The following SPMIP11 variants were observed in gnomAD, a reference collection of about 807,000 sequenced individuals.
The protein encoded by SPMIP11 is sperm microtubule inner protein 11, also known as long intergenic non-protein coding RNA 935.
chr12:48,731,974 C>A, the SPMIP11 span, among the ~76,000 whole-genome samples: 1 of 151,834 alleles, frequency 6.6e-6, no homozygotes, highest in Non-Finnish European at 1.5e-5. Flanking sequence ...TATGGCAAAA[C>A]CGCGTCTCTA....
chr12:48,746,397 C>G, the SPMIP11 span, among the ~76,000 whole-genome samples: 1 of 131,688 alleles, frequency 7.6e-6, no homozygotes, highest in East Asian at 2.2e-4. Flanking sequence ...GATGGTGTCT[C>G]GCTCTGTTGC....
At chr12:48,756,022 C>A in the SPMIP11 span, among the ~76,000 whole-genome samples, 1 of 151,602 alleles carries the variant, frequency 6.6e-6, no homozygotes, top group Non-Finnish European at 1.5e-5. Context: ...GGACTACAGG[C>A]CCCTGCCACC....
the SPMIP11 span, among the ~76,000 whole-genome samples, chr12:48,744,248 C>CAAAAAAAA: frequency 1.0e-5 from 1 of 98,288 alleles, no homozygotes; most frequent in Non-Finnish European, 2.0e-5. Context: ...AGCAACCTCT[C>CAAAAAAAA]AAAAAAAAAA....
At chr12:48,769,308 G>A in the SPMIP11 span, among the ~76,000 whole-genome samples, 1 of 151,246 alleles carries the variant, frequency 6.6e-6, no homozygotes, top group African/African-American at 2.4e-5. Flanking sequence ...AGCTACTTAG[G>A]AGGCTGAGGT....
chr12:48,749,253 C>T, the SPMIP11 span, among the ~76,000 whole-genome samples: 1 of 139,716 alleles, frequency 7.2e-6, no homozygotes, highest in Non-Finnish European at 1.5e-5. Context: ...CAGAGTGAGA[C>T]TCAGTCTCAA....
At chr12:48,758,039 A>G in the SPMIP11 span, among the ~76,000 whole-genome samples, 3 of 152,090 alleles carry the variant, frequency 2.0e-5, no homozygotes, top group Admixed American at 6.6e-5. Flanking sequence ...GCAGTGGCTC[A>G]TACCTGTAGT....
the SPMIP11 span, among the ~76,000 whole-genome samples, chr12:48,744,254 A>C: frequency 6.6e-6 from 1 of 151,624 alleles, no homozygotes. Flanking sequence ...CTCTCAAAAA[A>C]AAAAAAAAAA....
the SPMIP11 span, chr12:48,765,587 T>C: frequency 1.6e-5 from 11 of 702,838 alleles, no homozygotes; most frequent in East Asian, 2.7e-5. Flanking sequence ...TGAATCTCTC[T>C]CTGAATCTCT....
At chr12:48,742,121 C>T in the SPMIP11 span, among the ~76,000 whole-genome samples, 1 of 152,058 alleles carries the variant, frequency 6.6e-6, no homozygotes, top group Admixed American at 6.6e-5. Context: ...TCACTTGTTG[C>T]CCAGGTTGGT....
chr12:48,769,413 C>CA, the SPMIP11 span, among the ~76,000 whole-genome samples: 3,676 of 37,460 alleles, frequency 0.098, 101 homozygotes, highest in African/African-American at 0.11. Flanking sequence ...ATCCCCATCT[C>CA]AAAAAAAAAA....
chr12:48,768,893 T>C, the SPMIP11 span: 4 of 1,580,088 alleles, frequency 2.5e-6, 1 homozygote, highest in Non-Finnish European at 3.4e-6. Context: ...GTGGAAGCCC[T>C]CCGGGCCCAT....
the SPMIP11 span, among the ~76,000 whole-genome samples, chr12:48,733,568 G>A: frequency 2.6e-5 from 4 of 151,966 alleles, no homozygotes; most frequent in African/African-American, 7.3e-5. Context: ...TTTTGCACTT[G>A]GGAAAATCCC....
the SPMIP11 span, chr12:48,769,035 C>G: frequency 1.9e-6 from 3 of 1,613,234 alleles, no homozygotes; most frequent in Non-Finnish European, 2.5e-6. Context: ...CCGATGACAC[C>G]TGCCACGACT....
At chr12:48,752,106 G>A in the SPMIP11 span, among the ~76,000 whole-genome samples, 5 of 151,326 alleles carry the variant, frequency 3.3e-5, no homozygotes, top group East Asian at 3.9e-4. Flanking sequence ...GGTGTATTGT[G>A]GACATTAAAT....
the SPMIP11 span, chr12:48,759,465 G>T: frequency 5.1e-6 from 3 of 590,026 alleles, no homozygotes; most frequent in Admixed American, 2.6e-5. Flanking sequence ...GAGGCAGGCG[G>T]ATCACAAGGT....
At chr12:48,744,248 CAA>C in the SPMIP11 span, among the ~76,000 whole-genome samples, 2,999 of 98,216 alleles carry the variant, frequency 0.031, 36 homozygotes, top group African/African-American at 0.035. Flanking sequence ...AGCAACCTCT[CAA>C]AAAAAAAAAA....
chr12:48,766,294 T>C, the SPMIP11 span: 1 of 152,750 alleles, frequency 6.5e-6, no homozygotes, highest in Admixed American at 6.5e-5. Context: ...GGTTACATTA[T>C]AAAACCAAAG....
At chr12:48,771,121 G>C in the SPMIP11 span, 1 of 784,578 alleles carries the variant, frequency 1.3e-6, no homozygotes, top group Non-Finnish European at 2.0e-6. The surrounding 1 kb of genome is among the most constrained non-coding windows in gnomAD (Gnocchi z 4.3). Context: ...TAAGACTGAG[G>C]AGCTGGGAAA....
the SPMIP11 span, among the ~76,000 whole-genome samples, chr12:48,752,669 C>CTTTT: frequency 4.2e-5 from 5 of 119,250 alleles, no homozygotes; most frequent in South Asian, 2.8e-4. Flanking sequence ...CCTATTTATT[C>CTTTT]TTTTTTTTTT....
Sources: gnomAD v4.1 joint callset for allele counts (sites outside exome capture counted in the v4.1 genomes callset) on GRCh38, gnomAD v4.1.1 for gene constraint, Gnocchi (gnomAD v3.1) non-coding constraint, MANE v1.5 for transcripts, NCBI Gene and HGNC (gene_info 2026-07-23, HGNC 2026-07-21) for gene names.